The following C5 variants were observed in gnomAD, a reference collection of about 807,000 sequenced individuals.
C5 encodes C3 and PZP-like alpha-2-macroglobulin domain-containing protein 4.
In C5, 140 loss-of-function variants were observed where a neutral mutation model predicts 218.8. The ratio of observed to expected loss-of-function variants is 0.64; its 90% CI spans 0.56 to 0.74. The LOEUF (loss-of-function observed/expected upper bound fraction) is 0.74. Among genes scored for constraint, C5 ranks in the 30% least tolerant of loss-of-function variants. The probability of loss-of-function intolerance (pLI) is 0.00; values close to 1 mark genes in which losing one functional copy is unlikely to be tolerated. For synonymous variants in C5, 614 were observed against 682.3 expected, an observed-to-expected ratio of 0.90 and a Z score of 1.56; for missense variants, 1,700 against 1,969.6, an observed-to-expected ratio of 0.86 and a Z score of 2.59.
At position 121,032,105 on chromosome 9, in the gene C5, G is replaced by T; in HGVS notation, c.667+8C>A. ...AGCAAAGAAAAACTTTTACTTGTCAGAAATTACCATATTCTTTAACTTCAA... is the reference window on the plus strand; with the variant it reads ...AGCAAAGAAAAACTTTTACTTGTCATAAATTACCATATTCTTTAACTTCAA... On this transcript the variant is annotated splice_region_variant and intron_variant, in intron 6 of 40. Coordinates refer to ENST00000223642, the MANE Select transcript of C5 (RefSeq NM_001735.3). The T allele has an allele frequency of 6.5e-7, 1 of 1,543,138 alleles. No individual in the cohort carries two copies. Among genetic ancestry groups the T allele is most frequent in the Non-Finnish European group, 9.0e-7 (1 of 1,115,898 alleles).
chr9:121,017,486 G>T lies in C5; in HGVS notation c.1742C>A (p.Ala581Glu). 1 of 1,613,786 alleles carries T rather than the reference G, an allele frequency of 6.2e-7. No individual in the cohort carries two copies. Among genetic ancestry groups the T allele is most frequent in the Non-Finnish European group, 8.5e-7 (1 of 1,179,886 alleles). Residue 581 changes from alanine (A) to glutamate (E), a missense_variant, in exon 14 of 41, where the codon GCA becomes GAA. By Grantham distance (107) the Ala-to-Glu change is moderately radical. Coordinates refer to ENST00000223642, the MANE Select transcript of C5 (RefSeq NM_001735.3). The stretch of plus-strand genomic sequence containing the variant: ...AGACACAGTTTGGCCTGGAGAATAT[G>T]CATCTGCATCAGGAGACAGATGAAC... ...LQVHLSPDADAYSPGQTVSLN... is the reference protein window; with the variant it reads ...LQVHLSPDADEYSPGQTVSLN...
chr9:121,045,545 G>A (rs1037015485), intron 2 of C5, among the ~76,000 whole-genome samples: 1 of 151,708 alleles, frequency 6.6e-6, no homozygotes, highest in East Asian at 1.9e-4. Flanking sequence ...AGAAACTCTG[G>A]TCTAAATGAA....
intron 36 of C5, among the ~76,000 whole-genome samples, chr9:120,962,175 C>G (rs778401140): frequency 6.6e-6 from 1 of 152,088 alleles, no homozygotes; most frequent in African/African-American, 2.4e-5. Context: ...ATTCTATACC[C>G]GACGCTGCGT....
At chr9:121,055,660 G>A in the C5 span, among the ~76,000 whole-genome samples, 1 of 152,200 alleles carries the variant, frequency 6.6e-6, no homozygotes, top group Non-Finnish European at 1.5e-5. Context: ...CGGTTGGTAC[G>A]GACTTGGTCC....
intron 4 of C5, among the ~76,000 whole-genome samples, chr9:121,037,420 T>C (rs1382809609): frequency 8.0e-6 from 1 of 125,078 alleles, no homozygotes; most frequent in Non-Finnish European, 1.7e-5. Flanking sequence ...TTCAAGCAAT[T>C]CCCCCACCTC....
chr9:121,025,696 A>G, intron 8 of C5, 116 bp from the exon 9 acceptor site: 1 of 961,064 alleles, frequency 1.0e-6, no homozygotes, highest in Admixed American at 1.8e-5. Flanking sequence ...AGAATGGTTT[A>G]GTGTCAAAAG....
rs1588165191 is a variant in C5, at chr9:120,961,515, C to G, written c.4555G>C (p.Val1519Leu). 4.3e-6 allele frequency: 7 copies of G among 1,613,282 alleles called. No individual in the cohort carries two copies. Among genetic ancestry groups the G allele is most frequent in the Non-Finnish European group, 5.9e-6 (7 of 1,179,270 alleles). Residue 1519 changes from valine to leucine, a missense_variant, in exon 37 of 41, where the codon GTC becomes CTC. By Grantham distance (32) the Val-to-Leu change is conservative. Coordinates refer to ENST00000223642, the MANE Select transcript of C5 (RefSeq NM_001735.3). ...YSTSNIKIQK[V>L]CEGAACKCVE... ...CACTTGCACGCGGCTCCTTCACAGA[C>G]TTTCTGAATTTTGATATTGGAAGTG...
chr9:121,033,902 TTTCCTTCC>T (rs41308014), intron 5 of C5, among the ~76,000 whole-genome samples: 1 of 149,042 alleles, frequency 6.7e-6, no homozygotes, highest in African/African-American at 2.5e-5. Flanking sequence ...TCCCTCTTTC[TTTCCTTCC>T]TTCCTTCCTT....
chr9:121,011,017 C>T (rs949412149), intron 17 of C5, among the ~76,000 whole-genome samples: 1 of 152,190 alleles, frequency 6.6e-6, no homozygotes, highest in Non-Finnish European at 1.5e-5. Context: ...AGACCTCTAA[C>T]TATAAAACTG....
chr9:121,005,997 A>G lies in C5; in HGVS notation c.2484T>C (p.Asn828=), dbSNP rs760589879. 2.5e-6 allele frequency: 4 copies of G among 1,613,564 alleles called. No individual in the cohort carries two copies. The East Asian group carries it at 8.9e-5, about 36-fold the overall frequency. Residue 828 remains asparagine, a synonymous_variant, in exon 20 of 41, where the codon AAT becomes AAC. Coordinates refer to ENST00000223642, the MANE Select transcript of C5 (RefSeq NM_001735.3). ...KVFKDVFLEM[N]IPYSVVRGEQ... ...CTCCTCGTACAACAGAATATGGTAT[A>G]TTCATTTCCAGGAAGACATCTTTGA...
At chr9:120,979,709 G>A (rs2046977750) in intron 28 of C5, 1 of 278,622 alleles carries the variant, frequency 3.6e-6, no homozygotes, top group East Asian at 9.4e-5. Flanking sequence ...GAAACACAGT[G>A]AGACTCGTAT....
intron 14 of C5, among the ~76,000 whole-genome samples, chr9:121,016,972 A>G (rs543124850): frequency 9.2e-5 from 14 of 152,300 alleles, no homozygotes; most frequent in African/African-American, 3.1e-4. Flanking sequence ...AATGATTTTG[A>G]GATTCTTCTG....
At chr9:120,980,600 T>C (rs539974136) in intron 27 of C5, among the ~76,000 whole-genome samples, 1 of 151,564 alleles carries the variant, frequency 6.6e-6, no homozygotes, top group East Asian at 1.9e-4. Flanking sequence ...TTTTTTTTTC[T>C]TTTTTTTTGA....
chr9:120,986,366 T>A (rs200758515), intron 25 of C5, among the ~76,000 whole-genome samples: 3 of 146,130 alleles, frequency 2.1e-5, no homozygotes, highest in Admixed American at 6.8e-5. Flanking sequence ...CAATGTTCTT[T>A]AAAAAAAAAA....
At chr9:120,995,370 G>C (rs2047108428) in intron 22 of C5, among the ~76,000 whole-genome samples, 1 of 152,124 alleles carries the variant, frequency 6.6e-6, no homozygotes, top group Non-Finnish European at 1.5e-5. Flanking sequence ...TAGTTGAAAA[G>C]AGAATGGTTA....
At chr9:120,967,165 A>C (rs542668772) in intron 33 of C5, among the ~76,000 whole-genome samples, 2 of 151,724 alleles carry the variant, frequency 1.3e-5, no homozygotes, top group East Asian at 3.9e-4. Flanking sequence ...GAGGCTGAGG[A>C]AGGAGAATCA....
intron 28 of C5, among the ~76,000 whole-genome samples, chr9:120,978,956 GGTATGTGGCCGGGGGAGTGGA>G (rs2046971951): frequency 6.6e-6 from 1 of 152,180 alleles, no homozygotes; most frequent in East Asian, 1.9e-4. Flanking sequence ...CCTAAACTAG[GGTATGTGGCCGGGGGAGTGGA>G]GCACAGGCTA....
chr9:120,984,926 T>G (rs771118297), intron 25 of C5, among the ~76,000 whole-genome samples: 3 of 151,998 alleles, frequency 2.0e-5, no homozygotes, highest in Non-Finnish European at 4.4e-5. Context: ...TTCACCATGT[T>G]GGCCAGGCTG....
chr9:120,952,765 C>A lies in C5; in HGVS notation c.5005G>T (p.Glu1669Ter), dbSNP rs758052311. Residue 1669 changes from glutamate (E) to a stop codon, truncating the protein, a stop_gained, in exon 41 of 41, where the codon GAA becomes TAA. Transcript: ENST00000223642. LOFTEE classifies it high-confidence loss of function. ...TAGCATCCATTTAAAAAGATATCTT[C>A]GGCAAATTCATCTAAATTAGCTAAA... is the stretch of plus-strand genomic sequence containing the variant. ...AFLANLDEFA[E>*]DIFLNGC 1 of 1,613,612 alleles carries A rather than the reference C, an allele frequency of 6.2e-7. No individual in the cohort carries two copies. The highest frequency in any genetic ancestry group is 8.5e-7 in the Non-Finnish European group (1 of 1,179,788).
Sources: allele counts gnomAD v4.1 joint callset (sites outside exome capture counted in the v4.1 genomes callset), GRCh38; gene constraint gnomAD v4.1.1; transcripts MANE v1.5; gene names NCBI Gene and HGNC (gene_info 2026-07-23, HGNC 2026-07-21).